Variants in UBOX5 observed in about 807,000 individuals in gnomAD.
UBOX5 encodes RING finger protein 37.
UBOX5 carries 28 observed loss-of-function variants against 39.0 expected under a neutral mutation model. The ratio of observed to expected loss-of-function variants is 0.72; its 90% CI spans 0.53 to 0.98. The LOEUF (loss-of-function observed/expected upper bound fraction) is 0.98. Ranked by LOEUF, UBOX5 falls within the 50% of genes least tolerant of loss-of-function variation. The pLI is 0.00. For synonymous variants in UBOX5, 283 were observed against 275.5 expected (o/e 1.03, Z -0.27); for missense variants, 585 against 674.4 (o/e 0.87, Z 1.47).
intron 4 of UBOX5, 61 bp from the exon 5 acceptor site, chr20:3,110,375 C>A (rs1219314378): frequency 1.3e-6 from 2 of 1,584,222 alleles, no homozygotes; most frequent in Non-Finnish European, 1.7e-6. Context: ...GTCCAGGCTG[C>A]TCTGAGGGGC....
intron 1 of UBOX5, among the ~76,000 whole-genome samples, chr20:3,138,468 G>C (rs558228172): frequency 1.3e-5 from 2 of 152,190 alleles, no homozygotes; most frequent in East Asian, 3.9e-4. Flanking sequence ...ATGTATGCCT[G>C]AGGTCTCAGG....
chr20:3,148,284 T>G (rs1035069858), intron 1 of UBOX5: 4 of 1,611,522 alleles, frequency 2.5e-6, no homozygotes, highest in Non-Finnish European at 3.4e-6. Context: ...GAAAAAATGT[T>G]TAAAAACCTA....
intron 1 of UBOX5, among the ~76,000 whole-genome samples, chr20:3,155,052 C>CAAAAAAAA (rs11326176): frequency 3.1e-5 from 3 of 96,094 alleles, no homozygotes; most frequent in African/African-American, 9.2e-5. Context: ...GACACAGTCT[C>CAAAAAAAA]AAAAAAAAAA....
intron 1 of UBOX5, among the ~76,000 whole-genome samples, chr20:3,142,789 AAAAG>A (rs1382983722): frequency 6.6e-6 from 1 of 150,642 alleles, no homozygotes; most frequent in Admixed American, 6.6e-5. Context: ...AAAAAAAAAA[AAAAG>A]AAAAGTATGT....
intron 2 of UBOX5, 79 bp from the exon 3 acceptor site, chr20:3,122,663 A>T (rs2066347754): frequency 1.4e-6 from 2 of 1,477,284 alleles, no homozygotes; most frequent in South Asian, 2.9e-5. Flanking sequence ...CTTAAGCCTG[A>T]GGTTCCTCGT....
At chr20:3,121,233 A>C in intron 3 of UBOX5, 151 bp downstream of exon 3, 12 of 1,052,086 alleles carry the variant, frequency 1.1e-5, no homozygotes, top group Non-Finnish European at 1.6e-5. Flanking sequence ...GACAAAGCTG[A>C]GGGGCCCCAG....
intron 1 of UBOX5, among the ~76,000 whole-genome samples, chr20:3,128,211 A>G (rs1600382679): frequency 6.6e-6 from 1 of 152,324 alleles, no homozygotes; most frequent in East Asian, 1.9e-4. Flanking sequence ...GGACACCAGA[A>G]CTCATTTAGA....
chr20:3,126,317 G>A (rs183387796), intron 1 of UBOX5, among the ~76,000 whole-genome samples: 10 of 152,120 alleles, frequency 6.6e-5, no homozygotes, highest in African/African-American at 1.9e-4. Flanking sequence ...CAGCATGCTC[G>A]TTAAGAGTCA....
rs188234463 is a variant in UBOX5 at position 3,153,485 on chromosome 20, C to G, written c.-42+6281G>C. On this transcript the variant is annotated intron_variant, in intron 1 of 4. Transcript: ENST00000217173. ...GAGACCACAAGATTAAGAAACCTGC[C>G]AAAAGTTACACAGCCAAGGGATTGA... 2.6e-5 allele frequency among the ~76,000 whole-genome samples: 4 copies of G among 152,304 alleles called. No homozygotes were observed. The East Asian group carries it at 7.7e-4, about 29-fold the overall frequency.
intron 1 of UBOX5, among the ~76,000 whole-genome samples, chr20:3,130,665 A>G (rs1264432391): frequency 6.6e-6 from 1 of 151,956 alleles, no homozygotes; most frequent in Non-Finnish European, 1.5e-5. Flanking sequence ...TTAACCCATT[A>G]ATTTTTCTAA....
intron 1 of UBOX5, among the ~76,000 whole-genome samples, chr20:3,124,321 C>T (rs566436132): frequency 1.8e-4 from 27 of 152,294 alleles, no homozygotes; most frequent in Admixed American, 1.6e-3. Flanking sequence ...CTCGGGCTCC[C>T]GTGATTCTCC....
chr20:3,157,615 C>T (rs2066699932), intron 1 of UBOX5, among the ~76,000 whole-genome samples: 2 of 152,184 alleles, frequency 1.3e-5, no homozygotes, highest in South Asian at 4.1e-4. Context: ...TCATAAAACC[C>T]TGTCTTTAGA....
chr20:3,117,953 C>A (rs2066306132), intron 3 of UBOX5, among the ~76,000 whole-genome samples: 1 of 150,312 alleles, frequency 6.7e-6, no homozygotes, highest in South Asian at 2.1e-4. Context: ...GATTGCGACA[C>A]TGCACTCCAG....
At chr20:3,135,091 A>C (rs923904462) in intron 1 of UBOX5, among the ~76,000 whole-genome samples, 1 of 152,182 alleles carries the variant, frequency 6.6e-6, no homozygotes, top group Admixed American at 6.6e-5. Context: ...TATTTAACAA[A>C]TGCATGTATA....
At chr20:3,142,022 CTTTTCT>C (rs1390256296) in intron 1 of UBOX5, among the ~76,000 whole-genome samples, 1 of 148,516 alleles carries the variant, frequency 6.7e-6, no homozygotes, top group African/African-American at 2.5e-5. Context: ...CTTTTCTTTT[CTTTTCT>C]TTTTTTTTTG....
At chr20:3,157,016 C>A (rs1479433757) in intron 1 of UBOX5, among the ~76,000 whole-genome samples, 1 of 152,124 alleles carries the variant, frequency 6.6e-6, no homozygotes, top group African/African-American at 2.4e-5. Context: ...AATCCCAGCA[C>A]TTTGGAAGGC....
chr20:3,155,706 TAATA>T (rs1231410821), intron 1 of UBOX5, among the ~76,000 whole-genome samples: 7 of 152,328 alleles, frequency 4.6e-5, no homozygotes, highest in South Asian at 2.1e-4. Context: ...GAAAGTAGCT[TAATA>T]GATAAGGAAA....
At chr20:3,120,971 A>C (rs115437488) in intron 3 of UBOX5, among the ~76,000 whole-genome samples, 2,925 of 152,268 alleles carry the variant, frequency 0.019, 36 homozygotes, top group Middle Eastern at 0.071. Flanking sequence ...AACACAAAGA[A>C]GGCACCAGAA....
intron 1 of UBOX5, among the ~76,000 whole-genome samples, chr20:3,133,670 T>TA (rs1182223533): frequency 1.8e-4 from 27 of 152,216 alleles, no homozygotes; most frequent in African/African-American, 6.5e-4. Flanking sequence ...AAGCAATATT[T>TA]AAAAGATAAA....
Sources: allele counts gnomAD v4.1 joint callset (sites outside exome capture counted in the v4.1 genomes callset), GRCh38; gene constraint gnomAD v4.1.1; transcripts MANE v1.5; gene names NCBI Gene and HGNC (gene_info 2026-07-23, HGNC 2026-07-21).